INTS4: variants seen among roughly 807,000 people sequenced by gnomAD.
INTS4 encodes the protein MSTP093.
A neutral mutation model predicts 119.5 loss-of-function variants in INTS4; 70 were observed. That is an observed-to-expected ratio of 0.59 (90% confidence interval 0.48 to 0.71). The LOEUF is 0.71. Ranked by LOEUF, INTS4 falls within the 30% of genes least tolerant of loss-of-function variation. The pLI is 0.00. For synonymous variants in INTS4, 316 were observed against 419.6 expected (o/e 0.75, Z 3.02); for missense variants, 867 against 1,173.2 (o/e 0.74, Z 3.81).
At chr11:77,959,421 T>A (rs111749568) in intron 6 of INTS4, among the ~76,000 whole-genome samples, 19,770 of 151,918 alleles carry the variant, frequency 0.13, 1,464 homozygotes, top group East Asian at 0.25. Context: ...GGAAGCAAAT[T>A]CTACCTTATA....
chr11:77,886,433 G>A lies in INTS4; in HGVS notation c.2593-2481C>T, dbSNP rs563446897. 5.3e-5 allele frequency among the ~76,000 whole-genome samples: 8 copies of A among 151,866 alleles called. No individual in the cohort carries two copies. In the East Asian group the frequency reaches 1.5e-3, roughly 29 times the overall value. ...TAGGCTTACAAGAGTTAATAATCGC[G>A]AAGGCCCGCGGCGGGTGTTGATGCC... On this transcript the variant is annotated intron_variant, in intron 21 of 22. Coordinates refer to ENST00000534064, the MANE Select transcript of INTS4 (RefSeq NM_033547.4).
intron 10 of INTS4, among the ~76,000 whole-genome samples, chr11:77,935,661 C>T (rs1434804492): frequency 2.0e-5 from 3 of 151,870 alleles, no homozygotes; most frequent in East Asian, 3.9e-4. Context: ...TCTGGGAGGC[C>T]GAGGTGGCCG....
At chr11:77,971,681 T>C (rs753314523) in intron 4 of INTS4, among the ~76,000 whole-genome samples, 11 of 152,156 alleles carry the variant, frequency 7.2e-5, no homozygotes, top group African/African-American at 1.7e-4. Context: ...TACCTCATTA[T>C]ATGTATGATT....
chr11:77,915,480 G>A (rs971083693), intron 15 of INTS4, among the ~76,000 whole-genome samples: 43 of 152,138 alleles, frequency 2.8e-4, no homozygotes, highest in Non-Finnish European at 1.0e-4. Context: ...TGGCTCTCCT[G>A]TGGCTGCAGC....
At chr11:77,878,105 G>A (rs1347982413), downstream of INTS4, among the ~76,000 whole-genome samples, 1 of 152,148 alleles carries the variant, frequency 6.6e-6, no homozygotes. Flanking sequence ...GCTCACACTT[G>A]TAATCCCAGC....
At chr11:77,887,724 T>A (rs886764592) in intron 21 of INTS4, among the ~76,000 whole-genome samples, 4 of 152,130 alleles carry the variant, frequency 2.6e-5, no homozygotes, top group Non-Finnish European at 4.4e-5. Flanking sequence ...TTCAGCAAAG[T>A]CTCAGGATAC....
At chr11:77,876,331 T>C (rs1473523611), downstream of INTS4, among the ~76,000 whole-genome samples, 1 of 151,980 alleles carries the variant, frequency 6.6e-6, no homozygotes. Flanking sequence ...TGGGCCTGCG[T>C]ATTCATTTGT....
At chr11:77,918,349 A>G (rs1953255606) in intron 15 of INTS4, 9 of 443,514 alleles carry the variant, frequency 2.0e-5, no homozygotes, top group South Asian at 1.9e-4. Flanking sequence ...AAGTGGGAGA[A>G]TCACTTGCAG....
Position 77,878,732 on chromosome 11 carries a change from C to T in INTS4, c.*217G>A, listed in dbSNP as rs1266278569. 1.4e-6 allele frequency: 1 copy of T among 695,312 alleles called. No individual in the cohort carries two copies. Among genetic ancestry groups the T allele is most frequent in the East Asian group, 2.7e-5 (1 of 37,260 alleles). 43.1% of individuals were successfully genotyped at this position (695,312 alleles called of 1,614,324 possible). On this transcript the variant is annotated 3_prime_UTR_variant, in exon 23 of 23. Transcript: ENST00000534064. The stretch of plus-strand genomic sequence containing the variant: ...GAACTAGAACAGCTTGGTGTTTTCT[C>T]AACTTTATTGTGGACAGGAGAAGGG...
At position 77,961,041 on chromosome 11, in the gene INTS4, C is replaced by A. The variant is rs148175971; in HGVS notation, c.569G>T (p.Gly190Val). Reference protein sequence around the residue: ...LEKSVTKDAEGLAARDVQKII... With the variant: ...LEKSVTKDAEVLAARDVQKII... ...CTTCTGGACATCTCTGGCAGCTAGG[C>A]CTTCTGCATCTTTTGTGACACTTTT... is the stretch of plus-strand genomic sequence containing the variant. The change falls in exon 5 of 23, where the codon GGC becomes GTC. Residue 190 changes from glycine (G) to valine (V), a missense_variant. By Grantham distance (109) the Gly-to-Val change is moderately radical. Transcript: ENST00000534064. 472 of 1,613,196 alleles carry A rather than the reference C, an allele frequency of 2.9e-4. No homozygotes were observed. In the African/African-American group the frequency reaches 5.3e-3, roughly 18 times the overall value.
intron 21 of INTS4, among the ~76,000 whole-genome samples, chr11:77,890,449 T>C (rs568948996): frequency 1.3e-5 from 2 of 152,014 alleles, no homozygotes; most frequent in Non-Finnish European, 2.9e-5. Context: ...ATATCCCTTG[T>C]GCCCTTCTCC....
At chr11:77,961,159 AAG>A in intron 4 of INTS4, 21 bp from the exon 5 acceptor site, 1 of 1,531,496 alleles carries the variant, frequency 6.5e-7, no homozygotes, top group Non-Finnish European at 8.7e-7. Flanking sequence ...AAAAAAAAAA[AAG>A]AAAAAAAGAA....
chr11:77,981,065 C>A (rs923179220), intron 3 of INTS4, among the ~76,000 whole-genome samples: 1 of 151,690 alleles, frequency 6.6e-6, no homozygotes, highest in Admixed American at 6.6e-5. Context: ...CTGAAATAAT[C>A]CTTTTAGAAA....
intron 4 of INTS4, chr11:77,963,413 CTTA>C (rs1855344871): frequency 3.0e-6 from 1 of 335,516 alleles, no homozygotes; most frequent in Non-Finnish European, 5.7e-6. Context: ...TGGATAAAAA[CTTA>C]TTAATTAAAA....
intron 8 of INTS4, among the ~76,000 whole-genome samples, chr11:77,947,852 T>C (rs1170880121): frequency 1.3e-5 from 2 of 152,156 alleles, no homozygotes; most frequent in Admixed American, 6.6e-5. Context: ...CAAGACTTTT[T>C]TTTTCCCCCT....
At chr11:77,970,771 C>T (rs1169638633) in intron 4 of INTS4, among the ~76,000 whole-genome samples, 1 of 151,960 alleles carries the variant, frequency 6.6e-6, no homozygotes, top group African/African-American at 2.4e-5. Context: ...AGTTTTATTA[C>T]AGCCATCCTA....
chr11:77,882,337 G>A (rs1590995961), intron 22 of INTS4, among the ~76,000 whole-genome samples: 1 of 152,282 alleles, frequency 6.6e-6, no homozygotes, highest in South Asian at 2.1e-4. Context: ...GAGCTTGGGG[G>A]CAGATCAGCT....
intron 12 of INTS4, chr11:77,922,701 C>G (rs1235209960): frequency 7.0e-6 from 4 of 569,830 alleles, no homozygotes; most frequent in South Asian, 6.1e-5. Context: ...TAACCAAGAG[C>G]CATTTCCCCC....
intron 1 of INTS4, 32 bp from the exon 2 acceptor site, chr11:77,991,331 A>C: frequency 6.4e-7 from 1 of 1,551,956 alleles, no homozygotes. Flanking sequence ...GAAAACACAG[A>C]ATCTGCAAAT....
Sources: gnomAD v4.1 joint callset for allele counts (sites outside exome capture counted in the v4.1 genomes callset) on GRCh38, gnomAD v4.1.1 for gene constraint, MANE v1.5 for transcripts, NCBI Gene and HGNC (gene_info 2026-07-23, HGNC 2026-07-21) for gene names.